Variants in RABGAP1L observed in about 807,000 individuals in gnomAD.
RABGAP1L encodes RAB GTPase activating protein 1 like.
RABGAP1L carries 63 observed loss-of-function variants against 137.7 expected under a neutral mutation model. The observed-to-expected ratio is 0.46, with a 90% CI of 0.37 to 0.56. The LOEUF (loss-of-function observed/expected upper bound fraction) is 0.56, where lower values mean the gene tolerates loss of function less well. Ranked by LOEUF, RABGAP1L falls within the 20% of genes least tolerant of loss-of-function variation. The pLI, the probability that RABGAP1L is intolerant of heterozygous loss-of-function variation, is 0.00. For missense variants in RABGAP1L, 1,095 were observed against 1,244.0 expected (o/e 0.88, Z 1.80); for synonymous variants, 431 against 433.7 (o/e 0.99, Z 0.08).
chr1:174,351,017 C>T (rs1470536771), intron 11 of RABGAP1L, among the ~76,000 whole-genome samples: 4 of 109,206 alleles, frequency 3.7e-5, no homozygotes, highest in Admixed American at 1.2e-4. Flanking sequence ...TGCAGTGAGC[C>T]GAGATGGCAG....
At position 174,350,740 on chromosome 1, in the gene RABGAP1L, G is replaced by A. The variant is rs1444819602; in HGVS notation, c.1466-20239G>A. Among the ~76,000 whole-genome samples, 4 of 48,146 alleles carry A rather than the reference G, an allele frequency of 8.3e-5. No homozygotes were observed. In the South Asian group the frequency reaches 3.3e-3, roughly 39 times the overall value. The allele number at this position is 48,146 out of a possible 152,430, so 31.6% of individuals were successfully genotyped here. A position where few individuals can be genotyped will look rare whatever the true frequency, so the allele number is the denominator to read the frequency against. On this transcript the variant is annotated intron_variant, in intron 11 of 25. Transcript: ENST00000681986. ...GGCACTTTGGGAGGCCAAGGCAGGC[G>A]GCTGGGAGGTGTAGGTTGTAGTGAG... is the stretch of plus-strand genomic sequence containing the variant.
chr1:174,587,585 C>G (rs1669221385), intron 13 of RABGAP1L, among the ~76,000 whole-genome samples: 1 of 151,890 alleles, frequency 6.6e-6, no homozygotes, highest in Non-Finnish European at 1.5e-5. Context: ...TATAATCAGA[C>G]ACTATAAAGG....
intron 11 of RABGAP1L, among the ~76,000 whole-genome samples, chr1:174,314,495 A>G (rs536765374): frequency 1.3e-5 from 2 of 152,124 alleles, no homozygotes; most frequent in South Asian, 2.1e-4. Flanking sequence ...TAAAGTTTCA[A>G]TTTATTTGTT....
chr1:174,847,075 G>T (rs377310345), intron 19 of RABGAP1L, among the ~76,000 whole-genome samples: 26,740 of 129,996 alleles, frequency 0.21, 2,997 homozygotes, highest in Admixed American at 0.24. Context: ...TTTTCCATTT[G>T]CTTGGTAGAT....
chr1:174,743,977 T>G (rs2148658621), intron 17 of RABGAP1L, among the ~76,000 whole-genome samples: 1 of 151,108 alleles, frequency 6.6e-6, no homozygotes, highest in African/African-American at 2.4e-5. Context: ...CCTTTTTTTT[T>G]GGTATATGTT....
intron 20 of RABGAP1L, among the ~76,000 whole-genome samples, chr1:174,961,552 C>T (rs1669086561): frequency 2.0e-5 from 3 of 152,052 alleles, no homozygotes; most frequent in Admixed American, 2.0e-4. Flanking sequence ...GGCTTAAAAA[C>T]ACAGCTAATT....
At chr1:174,664,737 T>C (rs1676646153) in intron 14 of RABGAP1L, among the ~76,000 whole-genome samples, 1 of 132,820 alleles carries the variant, frequency 7.5e-6, no homozygotes, top group Admixed American at 7.2e-5. Flanking sequence ...CTGCTTTCTT[T>C]TTTTTTTTTT....
chr1:174,618,316 G>A (rs1672100667), intron 13 of RABGAP1L, among the ~76,000 whole-genome samples: 1 of 152,214 alleles, frequency 6.6e-6, no homozygotes, highest in African/African-American at 2.4e-5. Flanking sequence ...GCACGCAGCT[G>A]GAGATCTGAG....
intron 14 of RABGAP1L, 74 bp from the exon 15 acceptor site, chr1:174,683,447 GC>G: frequency 3.3e-6 from 4 of 1,207,718 alleles, no homozygotes; most frequent in Non-Finnish European, 4.8e-6. Context: ...ACAAGCAGGA[GC>G]CTGGTATGAG....
Position 174,394,047 on chromosome 1 carries a change from G to C in RABGAP1L, c.1612G>C (p.Gly538Arg). Residue 538 changes from glycine (G) to arginine (R), a missense_variant, in exon 13 of 26, where the codon GGT (glycine) becomes CGT (arginine). Physicochemically the swap from Gly to Arg is moderately radical, Grantham distance 125 (BLOSUM62 -2). Around this residue, in one of 4 missense-constraint regions of RABGAP1L, gnomAD observed 315 missense variants for 324.8 expected, o/e 0.97. Transcript: ENST00000681986. Reference protein sequence around the residue: ...PKGLSTLVKSGVPEALRAEVW... With the variant: ...PKGLSTLVKSRVPEALRAEVW... Reference sequence around the variant, plus strand: ...AGGGCTGTCTACTCTGGTGAAGAGTGGTGTCCCTGAAGCATTGAGGGCAGA... The same window carrying C: ...AGGGCTGTCTACTCTGGTGAAGAGTCGTGTCCCTGAAGCATTGAGGGCAGA... 6.2e-7 allele frequency: 1 copy of C among 1,613,860 alleles called. No homozygotes were observed. The highest frequency in any genetic ancestry group is 8.5e-7 in the Non-Finnish European group (1 of 1,179,818).
chr1:174,390,883 G>A (rs1028556868), intron 12 of RABGAP1L, among the ~76,000 whole-genome samples: 3 of 152,142 alleles, frequency 2.0e-5, no homozygotes, highest in African/African-American at 7.2e-5. Context: ...ACTTTGAGGT[G>A]CCTTTGAGCT....
chr1:174,563,734 T>G (rs1667376856), intron 13 of RABGAP1L, among the ~76,000 whole-genome samples: 1 of 152,160 alleles, frequency 6.6e-6, no homozygotes, highest in South Asian at 2.1e-4. Context: ...TTAATTTGTT[T>G]CTTTCCCTAA....
chr1:174,779,303 T>C (rs1354246241), intron 18 of RABGAP1L, among the ~76,000 whole-genome samples: 4 of 152,250 alleles, frequency 2.6e-5, no homozygotes, highest in Non-Finnish European at 4.4e-5. Flanking sequence ...AAACTCTTTC[T>C]GCCCAAAATG....
intron 19 of RABGAP1L, among the ~76,000 whole-genome samples, chr1:174,895,284 A>G (rs924656307): frequency 2.1e-4 from 32 of 152,232 alleles, no homozygotes; most frequent in African/African-American, 7.2e-4. Flanking sequence ...TTGAAGTGCT[A>G]TTAGTATCCC....
At chr1:174,969,769 A>G (rs1461182419) in intron 21 of RABGAP1L, among the ~76,000 whole-genome samples, 1 of 152,196 alleles carries the variant, frequency 6.6e-6, no homozygotes, top group African/African-American at 2.4e-5. Flanking sequence ...AATAAATGTG[A>G]ACTTTTACAT....
intron 11 of RABGAP1L, among the ~76,000 whole-genome samples, chr1:174,345,259 A>G (rs1359342169): frequency 1.3e-5 from 2 of 152,002 alleles, no homozygotes; most frequent in Non-Finnish European, 2.9e-5. Context: ...TAGGATGGCC[A>G]TGGCTAGTCT....
At chr1:174,176,741 A>AATAAAATAAAAT (rs1553248316) in intron 1 of RABGAP1L, among the ~76,000 whole-genome samples, 7,009 of 110,852 alleles carry the variant, frequency 0.063, 454 homozygotes, top group Non-Finnish European at 0.086. Context: ...AAAAAAAAAA[A>AATAAAATAAAAT]AAAAAGGTCA....
At chr1:174,988,133 G>A (rs1473174744) in intron 24 of RABGAP1L, among the ~76,000 whole-genome samples, 1 of 152,162 alleles carries the variant, frequency 6.6e-6, no homozygotes, top group East Asian at 1.9e-4. Context: ...TAAGCAACAG[G>A]GGTCCTCTTT....
intron 13 of RABGAP1L, among the ~76,000 whole-genome samples, chr1:174,610,947 G>A (rs1230030048): frequency 6.6e-6 from 1 of 151,590 alleles, no homozygotes; most frequent in African/African-American, 2.4e-5. Context: ...TGTAGATTCT[G>A]GATATTAGCC....
Sources: allele counts gnomAD v4.1 joint callset (sites outside exome capture counted in the v4.1 genomes callset), GRCh38; gene constraint gnomAD v4.1.1; regional missense constraint gnomAD v4.1.1; transcripts MANE v1.5; gene names NCBI Gene and HGNC (gene_info 2026-07-23, HGNC 2026-07-21).